The following PCP4L1 variants were observed in gnomAD, a reference collection of about 807,000 sequenced individuals.
The protein encoded by PCP4L1 is Purkinje cell protein 4 like 1.
PCP4L1 carries 9 observed loss-of-function variants against 9.6 expected under a neutral mutation model. The observed-to-expected ratio is 0.94, with a 90% CI of 0.57 to 1.64. The LOEUF (loss-of-function observed/expected upper bound fraction) is 1.64, where lower values mean the gene tolerates loss of function less well. PCP4L1 is among the 40% of genes most tolerant of loss of function. PCP4L1 has a pLI of 0.00. For missense variants in PCP4L1, 81 were observed against 80.8 expected (o/e 1.00, Z -0.01); for synonymous variants, 31 against 28.2 (o/e 1.10, Z -0.31).
chr1:161,258,947 G>T lies in PCP4L1; in HGVS notation c.-28G>T, dbSNP rs1325809006. ...CACTCGCCTCACCTGTGCGTGCAGC[G>T]CCTCGCGCGCCCTGTCCGGCTGCGG... is the stretch of plus-strand genomic sequence containing the variant. On this transcript the variant is annotated 5_prime_UTR_variant, in exon 1 of 3. Transcript: ENST00000504449. 9.2e-5 allele frequency: 141 copies of T among 1,534,602 alleles called. No homozygotes were observed. The highest frequency in any genetic ancestry group is 1.2e-4 in the Non-Finnish European group (134 of 1,146,142).
intron 1 of PCP4L1, among the ~76,000 whole-genome samples, chr1:161,281,733 C>T (rs1669811252): frequency 1.4e-5 from 2 of 141,252 alleles, no homozygotes; most frequent in Admixed American, 1.4e-4. Flanking sequence ...CAGAGACGCT[C>T]CTCACCTCCC....
intron 1 of PCP4L1, among the ~76,000 whole-genome samples, chr1:161,274,273 C>G (rs148659632): frequency 6.6e-6 from 1 of 151,904 alleles, no homozygotes; most frequent in Non-Finnish European, 1.5e-5. Context: ...TAAACCATGT[C>G]ATTGTTGTTA....
chr1:161,259,528 A>G (rs1430622092), intron 1 of PCP4L1, among the ~76,000 whole-genome samples: 1 of 152,196 alleles, frequency 6.6e-6, no homozygotes, highest in African/African-American at 2.4e-5. Flanking sequence ...AGCCCCTGCC[A>G]GTTGCTGGGG....
intron 1 of PCP4L1, among the ~76,000 whole-genome samples, chr1:161,277,918 C>T (rs779457180): frequency 3.3e-5 from 5 of 152,208 alleles, no homozygotes; most frequent in Admixed American, 1.3e-4. Flanking sequence ...TACATTTCTA[C>T]GTCTGCCACC....
At chr1:161,279,710 G>T (rs1669762131) in intron 1 of PCP4L1, among the ~76,000 whole-genome samples, 1 of 152,214 alleles carries the variant, frequency 6.6e-6, no homozygotes, top group South Asian at 2.1e-4. Context: ...AAATTGTGAG[G>T]TGAATAAACA....
intron 1 of PCP4L1, 85 bp downstream of exon 1, chr1:161,259,068 G>A: frequency 6.7e-7 from 1 of 1,502,290 alleles, no homozygotes; most frequent in Non-Finnish European, 8.9e-7. Context: ...GCGAGGGAGA[G>A]CGAGGCAGAC....
At chr1:161,264,403 G>A (rs1669486578) in intron 1 of PCP4L1, among the ~76,000 whole-genome samples, 1 of 152,108 alleles carries the variant, frequency 6.6e-6, no homozygotes, top group South Asian at 2.1e-4. Flanking sequence ...TGTAATCACA[G>A]CTACTCGGGA....
chr1:161,277,353 A>T (rs903110786), intron 1 of PCP4L1, among the ~76,000 whole-genome samples: 1 of 152,136 alleles, frequency 6.6e-6, no homozygotes, highest in Non-Finnish European at 1.5e-5. Flanking sequence ...GTTGGCTAGG[A>T]GTATGGAGTC....
chr1:161,263,690 T>G (rs1314623169), intron 1 of PCP4L1, among the ~76,000 whole-genome samples: 1 of 151,678 alleles, frequency 6.6e-6, no homozygotes, highest in Non-Finnish European at 1.5e-5. Context: ...TAAGCAATCT[T>G]CCCACCTCAG....
chr1:161,281,146 A>C (rs1669788796), intron 1 of PCP4L1, among the ~76,000 whole-genome samples: 1 of 152,152 alleles, frequency 6.6e-6, no homozygotes, highest in Admixed American at 6.6e-5. Context: ...TTCAGAGAGC[A>C]CAGGGTTGGG....
At chr1:161,283,885 CT>C (rs1172970252) in intron 2 of PCP4L1, among the ~76,000 whole-genome samples, 163 bp downstream of exon 2, 4 of 136,670 alleles carry the variant, frequency 2.9e-5, no homozygotes, top group African/African-American at 1.1e-4. Context: ...TATCTATAGG[CT>C]TCCTTCTATT....
intron 1 of PCP4L1, among the ~76,000 whole-genome samples, chr1:161,261,110 C>T (rs930256597): frequency 2.0e-5 from 3 of 152,174 alleles, no homozygotes; most frequent in African/African-American, 4.8e-5. Context: ...TGGGGCTCCT[C>T]TTTCAGGTGG....
At chr1:161,268,692 G>A (rs1669574692) in intron 1 of PCP4L1, among the ~76,000 whole-genome samples, 1 of 151,504 alleles carries the variant, frequency 6.6e-6, no homozygotes, top group Admixed American at 6.6e-5. Context: ...TGGGATTACA[G>A]GCATGCACCA....
At chr1:161,259,729 C>G (rs1225578805) in intron 1 of PCP4L1, among the ~76,000 whole-genome samples, 1 of 152,196 alleles carries the variant, frequency 6.6e-6, no homozygotes, top group Non-Finnish European at 1.5e-5. Context: ...CTCCTATTGT[C>G]TATTTGTAGG....
intron 1 of PCP4L1, among the ~76,000 whole-genome samples, chr1:161,260,716 G>A (rs553099205): frequency 5.3e-5 from 8 of 152,176 alleles, no homozygotes; most frequent in East Asian, 3.8e-4. Context: ...AGCCAAGTCC[G>A]CTCCCTCCTG....
intron 1 of PCP4L1, among the ~76,000 whole-genome samples, chr1:161,272,117 A>G (rs1465441914): frequency 1.3e-5 from 2 of 150,840 alleles, no homozygotes; most frequent in Non-Finnish European, 2.9e-5. Flanking sequence ...AATTGTACAT[A>G]TTCATGGGGG....
intron 1 of PCP4L1, among the ~76,000 whole-genome samples, chr1:161,276,784 A>T (rs973499462): frequency 1.3e-5 from 2 of 151,502 alleles, no homozygotes; most frequent in Non-Finnish European, 2.9e-5. Flanking sequence ...ATATACATAT[A>T]AATATAAACA....
intron 1 of PCP4L1, among the ~76,000 whole-genome samples, chr1:161,280,487 C>A (rs1439922729): frequency 6.6e-6 from 1 of 152,210 alleles, no homozygotes. Context: ...CTCATGTCTG[C>A]CAAAAGTTAT....
intron 1 of PCP4L1, among the ~76,000 whole-genome samples, chr1:161,277,996 C>T (rs1669730075): frequency 6.6e-6 from 1 of 152,102 alleles, no homozygotes; most frequent in African/African-American, 2.4e-5. Flanking sequence ...GAAGGGCAAC[C>T]CCTCCACTTA....
Sources: allele counts gnomAD v4.1 joint callset (sites outside exome capture counted in the v4.1 genomes callset), GRCh38; gene constraint gnomAD v4.1.1; transcripts MANE v1.5; gene names NCBI Gene and HGNC (gene_info 2026-07-23, HGNC 2026-07-21).